The following STARD13 variants were observed in gnomAD, a reference collection of about 807,000 sequenced individuals.
STARD13 encodes the protein stAR-related lipid transfer protein 13.
Under a neutral mutation model 106.4 loss-of-function variants are expected in STARD13, and 62 were observed. The observed-to-expected ratio is 0.58, with a 90% CI of 0.48 to 0.72. STARD13 has a LOEUF of 0.72. Among genes scored for constraint, STARD13 ranks in the 30% least tolerant of loss-of-function variants. STARD13 has a pLI of 0.00. For synonymous variants in STARD13, 565 were observed against 553.0 expected (o/e 1.02, Z -0.31); for missense variants, 1,387 against 1,424.0 (o/e 0.97, Z 0.42).
At chr13:33,652,920 T>C in the STARD13 span, among the ~76,000 whole-genome samples, 3 of 152,084 alleles carry the variant, frequency 2.0e-5, no homozygotes, top group Admixed American at 1.3e-4. Flanking sequence ...TCATATACAA[T>C]AAGGTATGAC....
chr13:33,213,514 G>T (rs539695446), intron 1 of STARD13, among the ~76,000 whole-genome samples: 1 of 152,318 alleles, frequency 6.6e-6, no homozygotes, highest in South Asian at 2.1e-4. Flanking sequence ...TCTGCTCTTT[G>T]TTTCTGTTGC....
chr13:33,238,736 A>C (rs1378784561), intron 1 of STARD13, among the ~76,000 whole-genome samples: 1 of 152,104 alleles, frequency 6.6e-6, no homozygotes, highest in Non-Finnish European at 1.5e-5. Flanking sequence ...ATTAATTTGT[A>C]GCAATAATAA....
At chr13:33,460,542 T>C in the STARD13 span, among the ~76,000 whole-genome samples, 3 of 151,974 alleles carry the variant, frequency 2.0e-5, no homozygotes, top group South Asian at 6.2e-4. Flanking sequence ...AGGTTGATAT[T>C]TTACTTCCTC....
the STARD13 span, among the ~76,000 whole-genome samples, chr13:33,574,363 CAGTT>C: frequency 9.4e-3 from 1,431 of 152,256 alleles, 8 homozygotes; most frequent in Non-Finnish European, 0.015. Context: ...ATTTAGACAT[CAGTT>C]AGACCATTTC....
the STARD13 span, among the ~76,000 whole-genome samples, chr13:33,503,556 T>C: frequency 2.0e-5 from 3 of 152,246 alleles, no homozygotes; most frequent in Non-Finnish European, 4.4e-5. Flanking sequence ...GCTTTAAATA[T>C]GTGCCAGAGA....
At chr13:33,418,085 G>A in the STARD13 span, among the ~76,000 whole-genome samples, 1 of 152,116 alleles carries the variant, frequency 6.6e-6, no homozygotes, top group African/African-American at 2.4e-5. Flanking sequence ...ATTGGTACTG[G>A]TTGGACAGTG....
At chr13:33,499,525 C>T in the STARD13 span, among the ~76,000 whole-genome samples, 10 of 36,170 alleles carry the variant, frequency 2.8e-4, no homozygotes, top group African/African-American at 9.0e-4. Context: ...TTTCTTTCTT[C>T]TTCTTCTTCT....
At chr13:33,341,490 T>A (rs2077959674) in intron 1 of STARD13, among the ~76,000 whole-genome samples, 2 of 151,544 alleles carry the variant, frequency 1.3e-5, no homozygotes, top group South Asian at 2.1e-4. Context: ...TACAAAAAAA[T>A]TAGCCGGGTG....
At chr13:33,612,265 C>A in the STARD13 span, among the ~76,000 whole-genome samples, 2 of 152,182 alleles carry the variant, frequency 1.3e-5, no homozygotes, top group Non-Finnish European at 2.9e-5. Context: ...AGGAAAGTCA[C>A]CCCTTCCTTA....
the STARD13 span, among the ~76,000 whole-genome samples, chr13:33,661,108 T>C: frequency 6.6e-6 from 1 of 152,250 alleles, no homozygotes; most frequent in East Asian, 1.9e-4. Flanking sequence ...CTGGCAACAC[T>C]ATTCCTTAGA....
chr13:33,534,029 CA>C, the STARD13 span, among the ~76,000 whole-genome samples: 1 of 152,150 alleles, frequency 6.6e-6, no homozygotes, highest in Non-Finnish European at 1.5e-5. Flanking sequence ...TAGGACTTTT[CA>C]AAAGTAACTG....
chr13:33,327,911 T>C (rs1456546300), intron 1 of STARD13, among the ~76,000 whole-genome samples: 1 of 152,242 alleles, frequency 6.6e-6, no homozygotes, highest in Non-Finnish European at 1.5e-5. Flanking sequence ...CTTGTTTTCT[T>C]GTGCGGTTCA....
chr13:33,461,990 C>T, the STARD13 span, among the ~76,000 whole-genome samples: 3 of 152,150 alleles, frequency 2.0e-5, no homozygotes, highest in African/African-American at 7.2e-5. Flanking sequence ...AACATGCAAC[C>T]ACAATGAAGA....
chr13:33,330,374 T>C (rs1456339988), intron 1 of STARD13, among the ~76,000 whole-genome samples: 1 of 152,236 alleles, frequency 6.6e-6, no homozygotes, highest in Non-Finnish European at 1.5e-5. Context: ...ACATGTTTAT[T>C]GGCATTCTGA....
the STARD13 span, among the ~76,000 whole-genome samples, chr13:33,424,560 C>T: frequency 6.6e-6 from 1 of 152,150 alleles, no homozygotes; most frequent in Non-Finnish European, 1.5e-5. Context: ...CCAGGGTCTC[C>T]TGTGTCTGGC....
the STARD13 span, among the ~76,000 whole-genome samples, chr13:33,442,642 T>A: frequency 1.3e-5 from 2 of 152,262 alleles, no homozygotes; most frequent in East Asian, 3.9e-4. Flanking sequence ...AGTTAGTGTT[T>A]TGAAAAATGA....
At chr13:33,502,752 A>G in the STARD13 span, among the ~76,000 whole-genome samples, 544 of 152,292 alleles carry the variant, frequency 3.6e-3, 2 homozygotes, top group African/African-American at 0.013. Context: ...ATCATAGTGG[A>G]TAAGTTTTTG....
the STARD13 span, among the ~76,000 whole-genome samples, chr13:33,501,555 T>A: frequency 6.6e-6 from 1 of 152,200 alleles, no homozygotes; most frequent in African/African-American, 2.4e-5. Flanking sequence ...TTGAATTAAT[T>A]TTTGTGTAAG....
upstream of STARD13, among the ~76,000 whole-genome samples, chr13:33,354,073 C>A (rs1480900273): frequency 6.6e-6 from 1 of 152,194 alleles, no homozygotes; most frequent in Non-Finnish European, 1.5e-5. Flanking sequence ...TGTGAGCCAC[C>A]TGGTGCTACC....
Sources: gnomAD v4.1 joint callset for allele counts (sites outside exome capture counted in the v4.1 genomes callset) on GRCh38, gnomAD v4.1.1 for gene constraint, MANE v1.5 for transcripts, NCBI Gene and HGNC (gene_info 2026-07-23, HGNC 2026-07-21) for gene names.